ANKRD30B: variants seen among roughly 807,000 people sequenced by gnomAD.
ANKRD30B encodes ankyrin repeat domain 30B.
In ANKRD30B, 144 loss-of-function variants were observed where a neutral mutation model predicts 202.2. The ratio of observed to expected loss-of-function variants is 0.71; its 90% confidence interval spans 0.62 to 0.82. The LOEUF (loss-of-function observed/expected upper bound fraction) is 0.82. Among genes scored for constraint, ANKRD30B ranks in the 40% least tolerant of loss-of-function variants. The pLI, the probability that ANKRD30B is intolerant of heterozygous loss-of-function variation, is 0.00. For missense variants in ANKRD30B, 1,487 were observed against 1,669.1 expected (o/e 0.89, Z 1.90); for synonymous variants, 508 against 561.3 (o/e 0.91, Z 1.34).
At chr18:14,789,821 C>G (rs1220167358) in intron 15 of ANKRD30B, among the ~76,000 whole-genome samples, 28 of 152,054 alleles carry the variant, frequency 1.8e-4, no homozygotes, top group Non-Finnish European at 3.7e-4. Context: ...AAGTCAGGTA[C>G]TGTGATGCCT....
chr18:14,807,279 A>G (rs1201565945), intron 24 of ANKRD30B, among the ~76,000 whole-genome samples: 3 of 151,146 alleles, frequency 2.0e-5, no homozygotes, highest in Non-Finnish European at 3.0e-5. Flanking sequence ...ATATATTTCT[A>G]TGTCAAAGAA....
chr18:14,754,007 C>A (rs1259457079), intron 3 of ANKRD30B, among the ~76,000 whole-genome samples: 1 of 151,872 alleles, frequency 6.6e-6, no homozygotes, highest in African/African-American at 2.4e-5. Context: ...CATTAGGATC[C>A]TAGGATTATC....
chr18:14,860,416 C>T, the ANKRD30B span, among the ~76,000 whole-genome samples: 95 of 100,530 alleles, frequency 9.4e-4, no homozygotes, highest in Non-Finnish European at 1.0e-3. Context: ...CCTCACCTCC[C>T]AGATGGGGCA....
the ANKRD30B span, among the ~76,000 whole-genome samples, chr18:14,937,043 T>A: frequency 6.6e-6 from 1 of 152,226 alleles, no homozygotes; most frequent in African/African-American, 2.4e-5. Context: ...CAAGCTGTGC[T>A]GGTAGTGACC....
At chr18:14,808,140 T>G (rs1219947624) in intron 24 of ANKRD30B, among the ~76,000 whole-genome samples, 2 of 150,738 alleles carry the variant, frequency 1.3e-5, no homozygotes, top group African/African-American at 2.5e-5. Flanking sequence ...GATTCTGATG[T>G]GTTTCCTTAA....
the ANKRD30B span, among the ~76,000 whole-genome samples, chr18:14,861,255 G>C: frequency 6.6e-6 from 1 of 152,064 alleles, no homozygotes; most frequent in Non-Finnish European, 1.5e-5. Context: ...ACTATAAAAG[G>C]AAGAAAACCT....
chr18:14,844,994 A>T lies in ANKRD30B; in HGVS notation c.3181+1898A>T, dbSNP rs571386833. 2.8e-4 allele frequency among the ~76,000 whole-genome samples: 42 copies of T among 151,966 alleles called. No homozygotes were observed. In the South Asian group the frequency reaches 5.2e-3, roughly 19 times the overall value. On this transcript the variant is annotated intron_variant, in intron 39 of 43. Transcript: ENST00000690538. ...CATTCTGGATTTAGCCCTTTGTCAGATGGATAGATTGCAGAAATTTTCTCC... is the reference window on the plus strand; with the variant it reads ...CATTCTGGATTTAGCCCTTTGTCAGTTGGATAGATTGCAGAAATTTTCTCC...
At chr18:14,794,736 A>G (rs971465649) in intron 16 of ANKRD30B, among the ~76,000 whole-genome samples, 3 of 152,204 alleles carry the variant, frequency 2.0e-5, no homozygotes, top group Non-Finnish European at 4.4e-5. Context: ...TTAGCCTTAA[A>G]TCGCTTGGAC....
chr18:14,870,105 G>C, the ANKRD30B span, among the ~76,000 whole-genome samples: 1 of 152,118 alleles, frequency 6.6e-6, no homozygotes, highest in Admixed American at 6.5e-5. Flanking sequence ...CAAAGTGTTG[G>C]GATTACAGGA....
At chr18:14,784,067 A>G (rs762345450) in intron 12 of ANKRD30B, among the ~76,000 whole-genome samples, 1 of 152,084 alleles carries the variant, frequency 6.6e-6, no homozygotes, top group African/African-American at 2.4e-5. Flanking sequence ...TTTGACATTT[A>G]TTTTCTCATA....
chr18:14,778,173 A>G, intron 10 of ANKRD30B, 98 bp downstream of exon 10: 1 of 787,704 alleles, frequency 1.3e-6, no homozygotes, highest in Non-Finnish European at 2.1e-6. Flanking sequence ...ATTATTTTTT[A>G]AATGCATAAC....
chr18:14,788,134 C>T (rs1968205809), intron 15 of ANKRD30B, among the ~76,000 whole-genome samples: 1 of 152,116 alleles, frequency 6.6e-6, no homozygotes, highest in Non-Finnish European at 1.5e-5. Flanking sequence ...GTTCTATGAC[C>T]ATGAATATTT....
chr18:14,759,421 T>A (rs1340450139), intron 5 of ANKRD30B: 4 of 152,224 alleles, frequency 2.6e-5, no homozygotes, highest in African/African-American at 7.2e-5. Context: ...AGGTGATCTA[T>A]GAAATGAGAT....
intron 30 of ANKRD30B, among the ~76,000 whole-genome samples, chr18:14,819,053 T>G (rs1414077748): frequency 6.6e-6 from 1 of 152,164 alleles, no homozygotes; most frequent in African/African-American, 2.4e-5. Context: ...TGATTGCCAT[T>G]CTAACTGGTG....
intron 30 of ANKRD30B, among the ~76,000 whole-genome samples, chr18:14,817,800 G>T (rs1251923767): frequency 1.3e-5 from 2 of 152,114 alleles, no homozygotes; most frequent in Non-Finnish European, 2.9e-5. Flanking sequence ...TTAATGAATC[G>T]AGAATGACCT....
chr18:14,873,621 G>A, the ANKRD30B span, among the ~76,000 whole-genome samples: 1 of 152,032 alleles, frequency 6.6e-6, no homozygotes, highest in African/African-American at 2.4e-5. Context: ...ATGTGACTGT[G>A]GGCAAATTGT....
chr18:14,820,708 G>A (rs1354633114), intron 30 of ANKRD30B, among the ~76,000 whole-genome samples: 1 of 152,068 alleles, frequency 6.6e-6, no homozygotes, highest in Non-Finnish European at 1.5e-5. Context: ...TCCCAGGGAT[G>A]AAGCCCACTT....
chr18:14,888,957 A>G, the ANKRD30B span: 5 of 752,736 alleles, frequency 6.6e-6, no homozygotes, highest in Non-Finnish European at 1.0e-5. Flanking sequence ...GAGAGGCTCA[A>G]TTAAACGAAG....
chr18:14,825,397 A>T (rs1173803321), intron 32 of ANKRD30B: 3 of 152,140 alleles, frequency 2.0e-5, no homozygotes, highest in African/African-American at 7.2e-5. Flanking sequence ...TAAATGACAA[A>T]ACTGTTGAGT....
Sources: allele counts gnomAD v4.1 joint callset (sites outside exome capture counted in the v4.1 genomes callset), GRCh38; gene constraint gnomAD v4.1.1; transcripts MANE v1.5; gene names NCBI Gene and HGNC (gene_info 2026-07-23, HGNC 2026-07-21).